Variants in AVEN observed in about 807,000 individuals in gnomAD.
The protein encoded by AVEN is cell death regulator Aven.
AVEN carries 41 observed loss-of-function variants against 38.1 expected under a neutral mutation model. That is an observed-to-expected ratio of 1.08 (90% CI 0.84 to 1.40). The LOEUF (loss-of-function observed/expected upper bound fraction) is 1.40, where lower values mean the gene tolerates loss of function less well. Ranked by LOEUF, AVEN falls within the 40% of genes most tolerant of loss-of-function variation. The pLI is 0.00. For synonymous variants in AVEN, 206 were observed against 171.8 expected (o/e 1.20, Z -1.56); for missense variants, 605 against 438.8 (o/e 1.38, Z -3.38).
At chr15:33,857,275 G>C (rs2153006761), downstream of AVEN, among the ~76,000 whole-genome samples, 1 of 151,280 alleles carries the variant, frequency 6.6e-6, no homozygotes, top group Middle Eastern at 3.4e-3. Flanking sequence ...CTCCTCAGGG[G>C]CCTCTCTGTG....
chr15:34,065,887 A>G (rs543621), intron 4 of AVEN: 72,050 of 151,942 alleles, frequency 0.47, 20,635 homozygotes, highest in Non-Finnish European at 0.65. Flanking sequence ...CATGCGTCTT[A>G]GTGTAGGCCG....
At chr15:33,950,066 T>C (rs369895911) in intron 2 of AVEN, among the ~76,000 whole-genome samples, 5 of 152,188 alleles carry the variant, frequency 3.3e-5, no homozygotes, top group South Asian at 2.1e-4. Context: ...TTTGCAACAA[T>C]GTGGATGAAC....
intron 1 of AVEN, among the ~76,000 whole-genome samples, chr15:34,028,601 T>C (rs1217356052): frequency 6.6e-6 from 1 of 152,114 alleles, no homozygotes; most frequent in Non-Finnish European, 1.5e-5. Flanking sequence ...AAGAAGACCC[T>C]GAATGAGAGA....
downstream of AVEN, chr15:33,865,641 C>CCAAAAGATAATA (rs1433429949): frequency 6.1e-5 from 1 of 16,304 alleles, no homozygotes; most frequent in African/African-American, 1.3e-4. Context: ...GGTCTGAACT[C>CCAAAAGATAATA]ACTCCAAAAG....
chr15:34,069,643 A>G (rs548977976), intron 2 of AVEN, among the ~76,000 whole-genome samples: 38 of 152,308 alleles, frequency 2.5e-4, no homozygotes, highest in Non-Finnish European at 4.7e-4. Flanking sequence ...TGTTTTAAGT[A>G]CACTAACCTT....
intron 2 of AVEN, among the ~76,000 whole-genome samples, chr15:33,941,709 A>G (rs772636628): frequency 3.3e-5 from 5 of 152,248 alleles, no homozygotes; most frequent in Non-Finnish European, 7.3e-5. Flanking sequence ...ATCCTATGAA[A>G]GAAGAAAATC....
intron 2 of AVEN, among the ~76,000 whole-genome samples, chr15:33,891,372 T>C (rs546935360): frequency 1.3e-5 from 2 of 152,138 alleles, no homozygotes; most frequent in Admixed American, 6.5e-5. Flanking sequence ...CCTAATGCTA[T>C]CCCTCCCCCA....
intron 3 of AVEN, 85 bp from the exon 4 acceptor site, chr15:33,871,115 C>A: frequency 1.1e-6 from 1 of 882,310 alleles, no homozygotes; most frequent in Non-Finnish European, 1.6e-6. Flanking sequence ...AAATAATCCA[C>A]TGGAGTTACA....
At position 33,904,691 on chromosome 15, in the gene AVEN, AAAAAT is replaced by A. The variant is rs1309303633; in HGVS notation, c.446-28701_446-28697del. Among the ~76,000 whole-genome samples the A allele has an allele frequency of 5.2e-5, 6 of 115,096 alleles. No individual in the cohort carries two copies. The East Asian group carries it at 7.7e-4, about 15-fold the overall frequency. 75.5% of individuals were successfully genotyped at this position (115,096 alleles called of 152,430 possible). ...GCCGAGACTGTTTCTTTAAAAAAAA[AAAAAT>A]ATATATATATATATATATATACACA... is the stretch of plus-strand genomic sequence containing the variant. On this transcript the variant is annotated intron_variant, in intron 2 of 5. Transcript: ENST00000306730.
In AVEN at chr15:33,866,640, T is replaced by C; in HGVS notation, c.1062A>G (p.Glu354=). ...AGGAAATCATGCTGTCCAACCAGTC[T>C]TCCAGCTCTTCCTCGGTAACATTTT... ...TSKNVTEEEL[E]DWLDSMIS The change falls in exon 6 of 6, where the codon GAA becomes GAG. Residue 354 remains glutamate, a synonymous_variant. Transcript: ENST00000306730. 1.9e-6 allele frequency: 3 copies of C among 1,614,090 alleles called. No individual in the cohort carries two copies. The highest frequency in any genetic ancestry group is 2.5e-6 in the Non-Finnish European group (3 of 1,179,966).
chr15:34,014,899 A>G (rs1480002943), intron 1 of AVEN, among the ~76,000 whole-genome samples: 2 of 152,234 alleles, frequency 1.3e-5, no homozygotes, highest in Admixed American at 6.5e-5. Flanking sequence ...CAAATTGAGC[A>G]GAAGAGGAAT....
chr15:34,063,510 G>C lies in AVEN; in HGVS notation n.1127-78C>G. 1 of 1,613,768 alleles carries C rather than the reference G, an allele frequency of 6.2e-7. No individual in the cohort carries two copies. The highest frequency in any genetic ancestry group is 8.5e-7 in the Non-Finnish European group (1 of 1,180,040). ...TCCTCGACCCACCCTGGCCCAGCGG[G>C]AAAGGAACCAGGCCTCCTGGTCATC... is the stretch of plus-strand genomic sequence containing the variant. On this transcript the variant is annotated intron_variant and non_coding_transcript_variant, in intron 4 of 11. Coordinates refer to the AVEN transcript ENST00000675287. This position sits in a 1 kb window ranked among gnomAD's most constrained non-coding sequence, Gnocchi z 4.1.
intron 2 of AVEN, 144 bp from the exon 3 acceptor site, chr15:33,876,139 C>G: frequency 1.5e-6 from 1 of 659,162 alleles, no homozygotes; most frequent in Non-Finnish European, 2.6e-6. Context: ...AACATACCTC[C>G]AACTCCATTT....
At chr15:33,926,907 A>T (rs1371895673) in intron 2 of AVEN, among the ~76,000 whole-genome samples, 2 of 152,168 alleles carry the variant, frequency 1.3e-5, no homozygotes, top group African/African-American at 4.8e-5. Context: ...TGCCTGCCTC[A>T]GCCTCCCAAA....
chr15:33,922,801 T>C (rs936125002), intron 2 of AVEN, among the ~76,000 whole-genome samples: 3 of 152,198 alleles, frequency 2.0e-5, no homozygotes, highest in African/African-American at 7.2e-5. Context: ...GCTTATTTCA[T>C]GAAATATGCT....
At chr15:33,873,092 T>G (rs1468025482) in intron 3 of AVEN, among the ~76,000 whole-genome samples, 2 of 133,652 alleles carry the variant, frequency 1.5e-5, no homozygotes, top group South Asian at 2.4e-4. Flanking sequence ...ACTTTTCCTT[T>G]TCTTTTTTTT....
rs749036249 is a variant in AVEN, at chr15:34,047,376, G to A, written n.1637+15546C>T. Among the ~76,000 whole-genome samples, 9 of 151,946 alleles carry A rather than the reference G, an allele frequency of 5.9e-5. No individual in the cohort carries two copies. The South Asian group carries it at 1.0e-3, about 18-fold the overall frequency. ...ACAGGCGTGAGCCACCGTGCCCGGC[G>A]GAGACCTAGCAGTTTTACATACTCC... On this transcript the variant is annotated intron_variant and non_coding_transcript_variant, in intron 5 of 11. Transcript: ENST00000675287.
At chr15:33,864,236 A>T (rs771050936), downstream of AVEN, 1 of 1,465,226 alleles carries the variant, frequency 6.8e-7, no homozygotes, top group Non-Finnish European at 9.4e-7. Flanking sequence ...CCCTTTCCTA[A>T]ATCTTGAGAC....
At chr15:33,970,210 C>A (rs958261195) in intron 2 of AVEN, among the ~76,000 whole-genome samples, 2 of 151,958 alleles carry the variant, frequency 1.3e-5, no homozygotes, top group Admixed American at 6.6e-5. Context: ...ATTAGAAATT[C>A]TCTTCCATTT....
Sources: gnomAD v4.1 joint callset for allele counts (sites outside exome capture counted in the v4.1 genomes callset) on GRCh38, gnomAD v4.1.1 for gene constraint, Gnocchi (gnomAD v3.1) non-coding constraint, MANE v1.5 for transcripts, NCBI Gene and HGNC (gene_info 2026-07-23, HGNC 2026-07-21) for gene names.